The following PUM2 variants were observed in gnomAD, a reference collection of about 807,000 sequenced individuals.
PUM2 encodes the protein pumilio homolog 2.
A neutral mutation model predicts 124.5 loss-of-function variants in PUM2; 57 were observed. The ratio of observed to expected loss-of-function variants is 0.46; its 90% confidence interval spans 0.37 to 0.57. PUM2 has a LOEUF of 0.57. Ranked by LOEUF, PUM2 falls within the 20% of genes least tolerant of loss-of-function variation. The probability of loss-of-function intolerance (pLI) is 0.00; values close to 1 mark genes in which losing one functional copy is unlikely to be tolerated. For missense variants in PUM2, 1,065 were observed against 1,290.6 expected (o/e 0.83, Z 2.68); for synonymous variants, 460 against 446.1 (o/e 1.03, Z -0.39).
intron 1 of PUM2, among the ~76,000 whole-genome samples, chr2:20,345,860 G>A (rs1688149104): frequency 6.6e-6 from 1 of 152,144 alleles, no homozygotes. Context: ...CAACAAGAGC[G>A]AAACTCTGTC....
chr2:20,310,780 C>A (rs1679425293), intron 5 of PUM2, among the ~76,000 whole-genome samples: 2 of 151,768 alleles, frequency 1.3e-5, no homozygotes, highest in African/African-American at 4.8e-5. Context: ...ATACAAGCTC[C>A]AAAGCACCTC....
At chr2:20,281,612 A>C (rs1671542980) in intron 12 of PUM2, among the ~76,000 whole-genome samples, 1 of 152,206 alleles carries the variant, frequency 6.6e-6, no homozygotes, top group Non-Finnish European at 1.5e-5. Context: ...CAATTGTGTT[A>C]GAAACAAGGA....
rs895956765 is a variant in PUM2 at position 20,257,064 on chromosome 2, A to G, written c.2485-894T>C. On this transcript the variant is annotated intron_variant, in intron 16 of 20. Coordinates refer to ENST00000361078, the MANE Select transcript of PUM2 (RefSeq NM_015317.5). The stretch of plus-strand genomic sequence containing the variant: ...GTCTCAAAAAAAAAAAAAAAAAAAA[A>G]AAAAAAAAAGAAATCCAAATAATAT... Among the ~76,000 whole-genome samples, 30 of 148,198 alleles carry G rather than the reference A, an allele frequency of 2.0e-4. 1 individual carries two copies. Among genetic ancestry groups the G allele is most frequent in the Admixed American group, 1.3e-3 (19 of 14,854 alleles).
intron 7 of PUM2, among the ~76,000 whole-genome samples, chr2:20,302,933 C>G (rs1414028883): frequency 6.6e-6 from 1 of 152,208 alleles, no homozygotes; most frequent in Non-Finnish European, 1.5e-5. Context: ...ATTTCCACCA[C>G]GCTTCATACT....
At chr2:20,298,394 C>T (rs1676146845) in intron 7 of PUM2, among the ~76,000 whole-genome samples, 1 of 152,116 alleles carries the variant, frequency 6.6e-6, no homozygotes, top group Non-Finnish European at 1.5e-5. Flanking sequence ...CAGTTACACT[C>T]ACTTCTGAGT....
intron 1 of PUM2, among the ~76,000 whole-genome samples, chr2:20,338,016 G>T (rs986394619): frequency 2.0e-5 from 3 of 152,166 alleles, no homozygotes; most frequent in African/African-American, 7.2e-5. Flanking sequence ...TAAAATGGTA[G>T]AGAACATAAT....
chr2:20,296,815 C>A (rs952905836), intron 8 of PUM2, among the ~76,000 whole-genome samples: 1 of 152,184 alleles, frequency 6.6e-6, no homozygotes, highest in African/African-American at 2.4e-5. Flanking sequence ...ATCAGCAAAT[C>A]GCTTTGTTCA....
chr2:20,288,894 A>G (rs377080822), intron 10 of PUM2, among the ~76,000 whole-genome samples: 6 of 152,242 alleles, frequency 3.9e-5, no homozygotes, highest in African/African-American at 1.4e-4. Context: ...TGAAACATAC[A>G]AATACAAATC....
intron 1 of PUM2, among the ~76,000 whole-genome samples, chr2:20,344,823 A>G (rs1454810559): frequency 6.6e-6 from 1 of 151,628 alleles, no homozygotes; most frequent in Non-Finnish European, 1.5e-5. Flanking sequence ...TCTACTAAAA[A>G]TACAAAAAAA....
At chr2:20,310,034 A>G (rs1324412711) in intron 5 of PUM2, among the ~76,000 whole-genome samples, 2 of 152,040 alleles carry the variant, frequency 1.3e-5, no homozygotes, top group Non-Finnish European at 2.9e-5. Flanking sequence ...AAATCAGCCA[A>G]TTTTTCTTTA....
At chr2:20,311,782 T>A in intron 4 of PUM2, 119 bp from the exon 5 acceptor site, 1 of 1,114,958 alleles carries the variant, frequency 9.0e-7, no homozygotes, top group African/African-American at 1.6e-5. Context: ...TGAATCTTAT[T>A]TAATTTCGTA....
At chr2:20,330,948 G>T (rs1411674119) in intron 1 of PUM2, among the ~76,000 whole-genome samples, 1 of 152,232 alleles carries the variant, frequency 6.6e-6, no homozygotes, top group Non-Finnish European at 1.5e-5. Flanking sequence ...CTGCAGGACT[G>T]ATTGCTTGAT....
intron 5 of PUM2, among the ~76,000 whole-genome samples, chr2:20,310,339 G>A (rs1460966858): frequency 1.3e-5 from 2 of 152,020 alleles, no homozygotes; most frequent in Non-Finnish European, 2.9e-5. Flanking sequence ...CTCACACAAA[G>A]TAACTCGTAT....
intron 2 of PUM2, among the ~76,000 whole-genome samples, chr2:20,325,685 A>G (rs547517863): frequency 6.6e-6 from 1 of 150,838 alleles, no homozygotes; most frequent in Non-Finnish European, 1.5e-5. Context: ...GCAGTGGTGC[A>G]ATCTCGGCTC....
chr2:20,282,661 C>T (rs1415140395), intron 12 of PUM2, among the ~76,000 whole-genome samples: 1 of 151,946 alleles, frequency 6.6e-6, no homozygotes, highest in Non-Finnish European at 1.5e-5. Flanking sequence ...TATATTGACC[C>T]AAATAAACCC....
chr2:20,282,958 A>C lies in PUM2; in HGVS notation c.1709T>G (p.Phe570Cys). 1 of 1,613,188 alleles carries C rather than the reference A, an allele frequency of 6.2e-7. No individual in the cohort carries two copies. The highest frequency in any genetic ancestry group is 8.5e-7 in the Non-Finnish European group (1 of 1,179,746). ...AAAAACAAACTTACCTGATGAACCA[A>C]ATCCACTGAGGGCTGAGCCTATAGC... Reference protein sequence around the residue: ...GAAIGSALSGFGSSVGSSASS... With the variant: ...GAAIGSALSGCGSSVGSSASS... The change falls in exon 12 of 21, where the codon TTT (phenylalanine) becomes TGT (cysteine). Residue 570 changes from phenylalanine to cysteine, a missense_variant. Coordinates refer to ENST00000361078, the MANE Select transcript of PUM2 (RefSeq NM_015317.5).
At chr2:20,318,691 GAATT>G (rs751473623) in intron 2 of PUM2, 46 bp from the exon 3 acceptor site, 7 of 1,345,166 alleles carry the variant, frequency 5.2e-6, no homozygotes, top group African/African-American at 2.9e-5. Flanking sequence ...TAATTACAAA[GAATT>G]AATATATAAG....
intron 2 of PUM2, among the ~76,000 whole-genome samples, chr2:20,321,384 T>G (rs1009050080): frequency 1.2e-4 from 19 of 152,200 alleles, no homozygotes; most frequent in African/African-American, 3.6e-4. Flanking sequence ...GTGTGTCTAC[T>G]ATGGCCAAGC....
chr2:20,262,086 C>A (rs1042585961), intron 14 of PUM2, among the ~76,000 whole-genome samples: 2 of 152,052 alleles, frequency 1.3e-5, no homozygotes, highest in Non-Finnish European at 2.9e-5. Flanking sequence ...CAGAGTAAGA[C>A]CCTGTCTCAA....
Sources: allele counts gnomAD v4.1 joint callset (sites outside exome capture counted in the v4.1 genomes callset), GRCh38; gene constraint gnomAD v4.1.1; transcripts MANE v1.5; gene names NCBI Gene and HGNC (gene_info 2026-07-23, HGNC 2026-07-21).